The following RALYL variants were observed in gnomAD, a reference collection of about 807,000 sequenced individuals.
RALYL encodes the protein RALY RNA binding protein like.
Under a neutral mutation model 35.1 loss-of-function variants are expected in RALYL, and 29 were observed. That is an observed-to-expected ratio of 0.83 (90% CI 0.61 to 1.13). The LOEUF (loss-of-function observed/expected upper bound fraction) is 1.13, where lower values mean the gene tolerates loss of function less well. Among genes scored for constraint, RALYL ranks in the 50% most tolerant of loss-of-function variants. The pLI is 0.00. For synonymous variants in RALYL, 120 were observed against 127.6 expected (o/e 0.94, Z 0.40); for missense variants, 359 against 360.4 (o/e 1.00, Z 0.03).
At chr8:84,412,669 C>T (rs2044219909) in intron 1 of RALYL, among the ~76,000 whole-genome samples, 1 of 151,932 alleles carries the variant, frequency 6.6e-6, no homozygotes, top group South Asian at 2.1e-4. Context: ...AACTAATCTG[C>T]AATCTCTCTC....
intron 1 of RALYL, among the ~76,000 whole-genome samples, chr8:84,219,564 T>G (rs1209881218): frequency 1.3e-5 from 2 of 150,828 alleles, no homozygotes; most frequent in Non-Finnish European, 3.0e-5. Flanking sequence ...CACTTCGTAT[T>G]AAGTGTAACT....
At chr8:84,427,505 A>G (rs187615569) in intron 1 of RALYL, among the ~76,000 whole-genome samples, 25 of 152,306 alleles carry the variant, frequency 1.6e-4, no homozygotes, top group African/African-American at 6.0e-4. Context: ...TTGAGAAAAC[A>G]CTGACCCACA....
chr8:84,361,438 A>C (rs1425277312), intron 1 of RALYL, among the ~76,000 whole-genome samples: 1 of 152,186 alleles, frequency 6.6e-6, no homozygotes, highest in African/African-American at 2.4e-5. Flanking sequence ...AAGAAATTGT[A>C]CAGAGAAGAA....
intron 1 of RALYL, among the ~76,000 whole-genome samples, chr8:84,425,326 T>C (rs977592400): frequency 3.9e-5 from 6 of 152,042 alleles, no homozygotes; most frequent in African/African-American, 1.4e-4. Context: ...GGTGCGTCCG[T>C]CACCCCTTTC....
chr8:84,277,351 C>G (rs909283296), intron 1 of RALYL, among the ~76,000 whole-genome samples: 9 of 152,032 alleles, frequency 5.9e-5, no homozygotes, highest in Admixed American at 5.2e-4. Flanking sequence ...GGAAACTGCC[C>G]CCATGATTGA....
chr8:84,541,672 C>T (rs141717982), intron 2 of RALYL, among the ~76,000 whole-genome samples: 252 of 152,016 alleles, frequency 1.7e-3, no homozygotes, highest in African/African-American at 6.0e-3. Flanking sequence ...ATGTGAATTA[C>T]GATTATGGAT....
In RALYL at chr8:84,275,673, ATCT is replaced by A. The variant is rs200858769; in HGVS notation, c.-24+91253_-24+91255del. ...CGAAATTCAATATTCTTTGACCATC[ATCT>A]TCTCAATATGCCAGCCTGCCCAACG... On this transcript the variant is annotated intron_variant, in intron 1 of 8. Coordinates refer to ENST00000521268, the MANE Select transcript of RALYL (RefSeq NM_173848.7). Among the ~76,000 whole-genome samples, 1,342 of 152,170 alleles carry A rather than the reference ATCT, an allele frequency of 8.8e-3. 5 individuals carry two copies. Among genetic ancestry groups the A allele is most frequent in the Middle Eastern group, 0.027 (8 of 294 alleles).
chr8:84,760,703 A>T (rs1812474355), intron 2 of RALYL, among the ~76,000 whole-genome samples: 1 of 152,114 alleles, frequency 6.6e-6, no homozygotes, highest in Non-Finnish European at 1.5e-5. Flanking sequence ...AGTTATTAAA[A>T]GTAAATCTCA....
At chr8:84,574,991 A>T (rs180835518) in intron 2 of RALYL, among the ~76,000 whole-genome samples, 199 of 152,328 alleles carry the variant, frequency 1.3e-3, no homozygotes, top group Middle Eastern at 3.4e-3. Flanking sequence ...TCAGTGTCAG[A>T]ATAATCTAAG....
intron 1 of RALYL, among the ~76,000 whole-genome samples, chr8:84,469,151 T>A (rs1267473701): frequency 6.6e-6 from 1 of 152,164 alleles, no homozygotes; most frequent in Non-Finnish European, 1.5e-5. Flanking sequence ...AGCTCGTCAG[T>A]CATTCTCCAT....
intron 1 of RALYL, among the ~76,000 whole-genome samples, chr8:84,259,461 A>G (rs1358783872): frequency 1.3e-5 from 2 of 152,066 alleles, no homozygotes; most frequent in Non-Finnish European, 2.9e-5. Context: ...TATCATTCTA[A>G]TTGTTCAGTA....
chr8:84,911,108 A>G (rs949046873), intron 8 of RALYL, among the ~76,000 whole-genome samples: 1 of 152,128 alleles, frequency 6.6e-6, no homozygotes, highest in African/African-American at 2.4e-5. Context: ...ATGGCAGAAT[A>G]GGAAATCTGA....
At chr8:84,773,366 G>T (rs982584758) in intron 2 of RALYL, among the ~76,000 whole-genome samples, 1 of 152,172 alleles carries the variant, frequency 6.6e-6, no homozygotes, top group Non-Finnish European at 1.5e-5. Flanking sequence ...GCAAGAAATA[G>T]AAGTTTTCCC....
rs572607551 is a variant in RALYL at position 84,562,043 on chromosome 8, G to A, written c.256+32466G>A. On this transcript the variant is annotated intron_variant, in intron 2 of 8. Transcript: ENST00000521268. ...TTTCCTACTGTCATTTCACAGCTGA[G>A]CAAGCCATGTGAACCTTTGAAAGCT... is the stretch of plus-strand genomic sequence containing the variant. 5.2e-4 allele frequency among the ~76,000 whole-genome samples: 79 copies of A among 152,004 alleles called. No homozygotes were observed. In the South Asian group the frequency reaches 0.016, roughly 30 times the overall value.
intron 8 of RALYL, among the ~76,000 whole-genome samples, chr8:84,914,207 A>C (rs1848057170): frequency 6.6e-6 from 1 of 152,042 alleles, no homozygotes; most frequent in Admixed American, 6.6e-5. Flanking sequence ...AATGTGTAAA[A>C]TTTCAAAGTT....
chr8:84,315,508 G>A (rs1843586974), intron 1 of RALYL, among the ~76,000 whole-genome samples: 1 of 152,116 alleles, frequency 6.6e-6, no homozygotes, highest in Non-Finnish European at 1.5e-5. Context: ...TGCAGGTCTA[G>A]GGGAGAATTG....
At chr8:84,892,814 T>A (rs1844101200) in intron 8 of RALYL, among the ~76,000 whole-genome samples, 1 of 152,124 alleles carries the variant, frequency 6.6e-6, no homozygotes, top group Non-Finnish European at 1.5e-5. Context: ...ACTAAAAATC[T>A]GTGATTCTAC....
chr8:84,853,327 G>T (rs757611821), intron 5 of RALYL, among the ~76,000 whole-genome samples: 8 of 152,118 alleles, frequency 5.3e-5, no homozygotes, highest in Non-Finnish European at 1.2e-4. Context: ...TTACTATTTA[G>T]AAATGTTAGC....
chr8:84,268,670 G>A (rs1373805493), intron 1 of RALYL, among the ~76,000 whole-genome samples: 2 of 152,128 alleles, frequency 1.3e-5, no homozygotes, highest in Non-Finnish European at 1.5e-5. Flanking sequence ...GGAGACAGAG[G>A]TCATTTTAGG....
Sources: gnomAD v4.1 joint callset for allele counts (sites outside exome capture counted in the v4.1 genomes callset) on GRCh38, gnomAD v4.1.1 for gene constraint, MANE v1.5 for transcripts, NCBI Gene and HGNC (gene_info 2026-07-23, HGNC 2026-07-21) for gene names.